RIMS1: variants seen among roughly 807,000 people sequenced by gnomAD.
RIMS1 encodes regulating synaptic membrane exocytosis 1.
A neutral mutation model predicts 214.1 loss-of-function variants in RIMS1; 83 were observed. The ratio of observed to expected loss-of-function variants is 0.39; its 90% CI spans 0.32 to 0.47. RIMS1 has a LOEUF of 0.47. RIMS1 is among the 20% of genes least tolerant of loss of function. The pLI is 0.99. For synonymous variants in RIMS1, 793 were observed against 786.8 expected, an observed-to-expected ratio of 1.01 and a Z score of -0.13; for missense variants, 2,050 against 2,161.8, an observed-to-expected ratio of 0.95 and a Z score of 1.03.
Position 72,159,007 on chromosome 6 carries a change from G to A in RIMS1, c.472-20568G>A, listed in dbSNP as rs1297470829. 1.7e-4 allele frequency among the ~76,000 whole-genome samples: 24 copies of A among 140,624 alleles called. 5 individuals carry two copies. The Admixed American group carries it at 1.7e-3, about 10-fold the overall frequency. 92.3% of individuals were successfully genotyped at this position (140,624 alleles called of 152,430 possible). ...TCCACAATGGTTGAACTAGTTTACA[G>A]TCCCACCAACAGTGTAAGTGTTCCT... On this transcript the variant is annotated intron_variant, in intron 4 of 33. Transcript: ENST00000521978.
At chr6:71,969,737 A>C (rs1795369673) in intron 2 of RIMS1, among the ~76,000 whole-genome samples, 1 of 152,142 alleles carries the variant, frequency 6.6e-6, no homozygotes, top group Non-Finnish European at 1.5e-5. Flanking sequence ...TGAACCTGTG[A>C]GGTGGAGGCT....
chr6:71,987,316 C>T (rs150631553), intron 2 of RIMS1, among the ~76,000 whole-genome samples: 4 of 152,282 alleles, frequency 2.6e-5, no homozygotes, highest in Non-Finnish European at 4.4e-5. Context: ...CTGAGATCAG[C>T]GTGCTAGAAT....
rs143954747 is a variant in RIMS1, at chr6:71,966,128, G to T, written c.165-2855G>T. ...ATCCACACAAGCAAACAAAAATCTTGTGATTAGAAGCCCCCGAAATTGGGT... is the reference window on the plus strand; with the variant it reads ...ATCCACACAAGCAAACAAAAATCTTTTGATTAGAAGCCCCCGAAATTGGGT... On this transcript the variant is annotated intron_variant, in intron 1 of 33. Coordinates refer to ENST00000521978, the MANE Select transcript of RIMS1 (RefSeq NM_014989.7). 7.8e-3 allele frequency among the ~76,000 whole-genome samples: 1,191 copies of T among 152,236 alleles called. 14 individuals carry two copies. Among genetic ancestry groups the T allele is most frequent in the African/African-American group, 0.027 (1,122 of 41,550 alleles).
intron 26 of RIMS1, among the ~76,000 whole-genome samples, chr6:72,300,842 T>C (rs1462989722): frequency 6.6e-6 from 1 of 151,894 alleles, no homozygotes; most frequent in East Asian, 1.9e-4. Context: ...AGCTTCGTTT[T>C]AGATAGTTCA....
chr6:72,057,668 T>C (rs1826684616), intron 2 of RIMS1, among the ~76,000 whole-genome samples: 2 of 151,936 alleles, frequency 1.3e-5, no homozygotes, highest in African/African-American at 2.4e-5. Flanking sequence ...CCACCACTAC[T>C]AGCTAATTTT....
intron 1 of RIMS1, among the ~76,000 whole-genome samples, chr6:71,916,244 T>A (rs2150682895): frequency 6.6e-6 from 1 of 152,292 alleles, no homozygotes; most frequent in African/African-American, 2.4e-5. Flanking sequence ...TTGAAAAAGC[T>A]GGAATGAGCT....
chr6:72,164,991 A>G (rs1311250636), intron 4 of RIMS1, among the ~76,000 whole-genome samples: 1 of 152,172 alleles, frequency 6.6e-6, no homozygotes. Flanking sequence ...GGTGACAATA[A>G]CTTTAAATTC....
rs898430232 is a variant in RIMS1, at chr6:72,182,785, G to A, written c.1314G>A (p.Ala438=). Reference sequence around the variant, plus strand: ...CTGAGAGAACTGCGGAGACCAGGGCGCCGGGCGCCAAGCAGCTAACGAACC... The same window carrying A: ...CTGAGAGAACTGCGGAGACCAGGGCACCGGGCGCCAAGCAGCTAACGAACC... ...YSAERTAETR[A]PGAKQLTNHS... is the part of the protein sequence containing the mutation. Residue 438 remains alanine (A), a synonymous_variant, in exon 6 of 34, where the codon GCG becomes GCA. Coordinates refer to ENST00000521978, the MANE Select transcript of RIMS1 (RefSeq NM_014989.7). 9 of 1,545,708 alleles carry A rather than the reference G, an allele frequency of 5.8e-6. No individual in the cohort carries two copies. The African/African-American group carries it at 1.1e-4, about 19-fold the overall frequency.
chr6:72,354,841 A>G (rs1477728168), intron 29 of RIMS1, among the ~76,000 whole-genome samples: 2 of 152,332 alleles, frequency 1.3e-5, no homozygotes, highest in Admixed American at 6.5e-5. Context: ...AAGTAAGTCT[A>G]AACATCACCT....
Position 72,246,999 on chromosome 6 carries a change from G to A in RIMS1, c.2129-1016G>A, listed in dbSNP as rs942818916. ...TTTGTACTTATAGAAAAAAATGTGC[G>A]GATTGCACATACTCAGGCAATGCTT... is the stretch of plus-strand genomic sequence containing the variant. On this transcript the variant is annotated intron_variant, in intron 11 of 33. Coordinates refer to ENST00000521978, the MANE Select transcript of RIMS1 (RefSeq NM_014989.7). Among the ~76,000 whole-genome samples the A allele has an allele frequency of 7.9e-5, 12 of 152,230 alleles. No individual in the cohort carries two copies. The East Asian group carries it at 1.2e-3, about 15-fold the overall frequency.
intron 26 of RIMS1, among the ~76,000 whole-genome samples, chr6:72,294,808 A>G (rs1448086279): frequency 1.3e-5 from 2 of 151,816 alleles, no homozygotes; most frequent in Non-Finnish European, 3.0e-5. Context: ...TATTTGCTAC[A>G]TAGAGCCAGA....
chr6:71,918,975 C>G (rs898040425), intron 1 of RIMS1, among the ~76,000 whole-genome samples: 8 of 152,082 alleles, frequency 5.3e-5, no homozygotes, highest in Non-Finnish European at 1.2e-4. Context: ...ACGCCTTTCA[C>G]TCTTAGGCAG....
chr6:72,290,532 A>AT (rs2093206465), intron 24 of RIMS1, 147 bp from the exon 25 acceptor site: 1 of 677,954 alleles, frequency 1.5e-6, no homozygotes, highest in Non-Finnish European at 2.4e-6. Context: ...TTTGATTTGA[A>AT]TTCCATTTCA....
intron 2 of RIMS1, among the ~76,000 whole-genome samples, chr6:72,090,182 T>G (rs1222288266): frequency 6.6e-6 from 1 of 152,130 alleles, no homozygotes; most frequent in Non-Finnish European, 1.5e-5. Context: ...AAAAAAAATT[T>G]TTTTTATAGA....
chr6:72,152,150 A>G (rs1329401161), intron 4 of RIMS1, among the ~76,000 whole-genome samples: 1 of 152,190 alleles, frequency 6.6e-6, no homozygotes, highest in African/African-American at 2.4e-5. Context: ...GGAGGGAACA[A>G]ACATCCAAAC....
chr6:71,904,201 T>C (rs754081833), intron 1 of RIMS1, among the ~76,000 whole-genome samples: 1 of 152,126 alleles, frequency 6.6e-6, no homozygotes, highest in Non-Finnish European at 1.5e-5. Flanking sequence ...TCCCATTTCA[T>C]GGTTGCAGAG....
intron 1 of RIMS1, among the ~76,000 whole-genome samples, chr6:71,958,985 T>C (rs1792116535): frequency 6.6e-6 from 1 of 152,144 alleles, no homozygotes. Flanking sequence ...AAAGAAGCAA[T>C]CATATTCCAG....
At chr6:72,387,794 C>A (rs959579935) in intron 29 of RIMS1, among the ~76,000 whole-genome samples, 1 of 152,148 alleles carries the variant, frequency 6.6e-6, no homozygotes, top group African/African-American at 2.4e-5. Flanking sequence ...AAACAGATTC[C>A]TACCCTTTCA....
intron 4 of RIMS1, among the ~76,000 whole-genome samples, chr6:72,150,128 T>C (rs548588973): frequency 6.6e-6 from 1 of 150,974 alleles, no homozygotes; most frequent in Non-Finnish European, 1.5e-5. Context: ...TTTCTCTCAG[T>C]GTGGCTGGGC....
Sources: allele counts gnomAD v4.1 joint callset (sites outside exome capture counted in the v4.1 genomes callset), GRCh38; gene constraint gnomAD v4.1.1; transcripts MANE v1.5; gene names NCBI Gene and HGNC (gene_info 2026-07-23, HGNC 2026-07-21).